Variants in CPNE5 observed in about 807,000 individuals in gnomAD.
CPNE5 encodes the protein copine-5.
CPNE5 carries 42 observed loss-of-function variants against 81.1 expected under a neutral mutation model. The observed-to-expected ratio is 0.52, with a 90% CI of 0.40 to 0.67. The LOEUF (loss-of-function observed/expected upper bound fraction) is 0.67. CPNE5 is among the 30% of genes least tolerant of loss of function. The pLI is 0.00. For missense variants in CPNE5, 612 were observed against 815.5 expected (o/e 0.75, Z 3.04); for synonymous variants, 313 against 321.5 (o/e 0.97, Z 0.28).
intron 10 of CPNE5, among the ~76,000 whole-genome samples, chr6:36,768,225 C>CTTTTTTTCTTTTTTTTCTTT (rs527797208): frequency 1.7e-5 from 1 of 60,496 alleles, no homozygotes; most frequent in East Asian, 5.8e-4. Context: ...ATTCACAGTT[C>CTTTTTTTCTTTTTTTTCTTT]TTTTTTTTTT....
intron 3 of CPNE5, among the ~76,000 whole-genome samples, chr6:36,820,051 G>A (rs991206845): frequency 1.3e-5 from 2 of 152,138 alleles, no homozygotes; most frequent in East Asian, 1.9e-4. Flanking sequence ...TTCCTCCCTC[G>A]ACCCCTGACC....
rs913713016 is a variant in CPNE5, at chr6:36,746,136, A to G, written c.1200+260T>C. On this transcript the variant is annotated intron_variant, in intron 16 of 20. Coordinates refer to ENST00000244751, the MANE Select transcript of CPNE5 (RefSeq NM_020939.2). This position sits in a 1 kb window ranked among gnomAD's most constrained non-coding sequence, Gnocchi z 4.5. ...GATGGGTCAGCCACAGCTCGCCTCCACCTGCACCTGCGTCTTGTCAGGAAC... is the reference window on the plus strand; with the variant it reads ...GATGGGTCAGCCACAGCTCGCCTCCGCCTGCACCTGCGTCTTGTCAGGAAC... 2.0e-5 allele frequency: 20 copies of G among 984,916 alleles called. No individual in the cohort carries two copies. The African/African-American group carries it at 3.5e-4, about 17-fold the overall frequency. The allele number at this position is 984,916 out of a possible 1,614,324, so 61.0% of individuals were successfully genotyped here. A position where few individuals can be genotyped will look rare whatever the true frequency, so the allele number is the denominator to read the frequency against.
intron 3 of CPNE5, among the ~76,000 whole-genome samples, chr6:36,812,435 G>T (rs1771185384): frequency 2.0e-5 from 3 of 152,174 alleles, no homozygotes; most frequent in African/African-American, 2.4e-5. Flanking sequence ...AATATTTACA[G>T]GTCCTGAGCA....
At chr6:36,826,135 CGT>C (rs972711899) in intron 1 of CPNE5, among the ~76,000 whole-genome samples, 1 of 152,072 alleles carries the variant, frequency 6.6e-6, no homozygotes, top group South Asian at 2.1e-4. Flanking sequence ...AGCCTAGATA[CGT>C]GTGTGTGTTT....
chr6:36,751,466 T>C (rs1232134901), intron 14 of CPNE5, among the ~76,000 whole-genome samples: 2 of 152,150 alleles, frequency 1.3e-5, no homozygotes, highest in Non-Finnish European at 2.9e-5. Context: ...CTGTGTTCTG[T>C]AAGTTGGGGG....
intron 12 of CPNE5, among the ~76,000 whole-genome samples, chr6:36,759,318 C>T (rs1000809281): frequency 1.3e-5 from 2 of 152,082 alleles, no homozygotes; most frequent in African/African-American, 2.4e-5. Context: ...AGCCCCGCCA[C>T]GGTGAATCCC....
chr6:36,811,795 A>T (rs1291171776), intron 3 of CPNE5, among the ~76,000 whole-genome samples: 1 of 151,642 alleles, frequency 6.6e-6, no homozygotes, highest in Non-Finnish European at 1.5e-5. Flanking sequence ...CCACCCTCAA[A>T]TCCTGGGGAT....
chr6:36,745,115 G>A lies in CPNE5; in HGVS notation c.1364C>T (p.Ser455Leu), dbSNP rs1461028588. ...AAAVQDGSQY[S>L]VLLIITDGVI... ...CCCATCAGTAATGATGAGCAGCACC[G>A]AGTACTGGGAGCCATCCTGCACGGC... is the stretch of plus-strand genomic sequence containing the variant. The change falls in exon 18 of 21, where the codon TCG (serine) becomes TTG (leucine). Residue 455 changes from serine to leucine, a missense_variant. Coordinates refer to ENST00000244751, the MANE Select transcript of CPNE5 (RefSeq NM_020939.2). The A allele has an allele frequency of 3.1e-6, 5 of 1,613,844 alleles. No homozygotes were observed. The highest frequency in any genetic ancestry group is 2.2e-5 in the East Asian group (1 of 44,898).
chr6:36,769,761 C>T (rs756416577), intron 10 of CPNE5, among the ~76,000 whole-genome samples: 5 of 152,196 alleles, frequency 3.3e-5, no homozygotes, highest in Non-Finnish European at 7.3e-5. Context: ...ATGTGAATAC[C>T]GAGAACGGTA....
chr6:36,771,628 C>T (rs1767044249), intron 10 of CPNE5, among the ~76,000 whole-genome samples: 1 of 152,184 alleles, frequency 6.6e-6, no homozygotes, highest in South Asian at 2.1e-4. Context: ...GCACCCAACA[C>T]AGTGCCTGGG....
At chr6:36,799,622 C>A (rs1769924801) in intron 4 of CPNE5, among the ~76,000 whole-genome samples, 1 of 152,194 alleles carries the variant, frequency 6.6e-6, no homozygotes, top group Non-Finnish European at 1.5e-5. Flanking sequence ...CAGTGGGTAC[C>A]TCCTGGTTGC....
intron 9 of CPNE5, 81 bp from the exon 10 acceptor site, chr6:36,775,146 G>A (rs1767391208): frequency 1.0e-6 from 1 of 1,003,920 alleles, no homozygotes; most frequent in Admixed American, 1.9e-5. Flanking sequence ...GAGTCAGCTG[G>A]TTCACATCTC....
intron 6 of CPNE5, among the ~76,000 whole-genome samples, chr6:36,797,818 C>T (rs1227055660): frequency 2.0e-5 from 3 of 152,194 alleles, no homozygotes; most frequent in African/African-American, 7.2e-5. Flanking sequence ...CCAGCTCTCC[C>T]TCTTCCTAGC....
At position 36,778,890 on chromosome 6, in the gene CPNE5, G is replaced by A. The variant is rs1329142279; in HGVS notation, c.596C>T (p.Pro199Leu). The A allele has an allele frequency of 6.2e-7, 1 of 1,606,836 alleles. No homozygotes were observed. The highest frequency in any genetic ancestry group is 8.5e-7 in the Non-Finnish European group (1 of 1,173,838). The change falls in exon 9 of 21, where the codon CCC becomes CTC. Residue 199 changes from proline to leucine, a missense_variant. Transcript: ENST00000244751. Reference sequence around the variant, plus strand: ...GTTGCTTCTGTAGAATACCAAGAAGGGGTCAGATTTCCCAAAGAAATCTTT... The same window carrying A: ...GTTGCTTCTGTAGAATACCAAGAAGAGGTCAGATTTCCCAAAGAAATCTTT... The part of the protein sequence containing the change: ...DKKDFFGKSD[P>L]FLVFYRSNED...
chr6:36,781,048 G>A (rs376503369), intron 8 of CPNE5, among the ~76,000 whole-genome samples: 4 of 152,160 alleles, frequency 2.6e-5, no homozygotes, highest in African/African-American at 7.2e-5. Flanking sequence ...CTTTAGAATC[G>A]GCTGATTTCT....
At chr6:36,814,521 A>G (rs557307217) in intron 3 of CPNE5, among the ~76,000 whole-genome samples, 1 of 152,324 alleles carries the variant, frequency 6.6e-6, no homozygotes, top group Admixed American at 6.5e-5. Context: ...CAAACTCAGT[A>G]CGAATTAAGT....
Position 36,823,117 on chromosome 6 carries a change from G to C in CPNE5, c.96-19C>G. 6.4e-7 allele frequency: 1 copy of C among 1,552,984 alleles called. No homozygotes were observed. On this transcript the variant is annotated intron_variant, in intron 1 of 20. Coordinates refer to ENST00000244751, the MANE Select transcript of CPNE5 (RefSeq NM_020939.2). ...GAGGTTCCTGAAAGAGGGGGAGAGA[G>C]GAGGGGTTAGCACGGCCAGCTGAGA...
chr6:36,819,260 C>T (rs879277496), intron 3 of CPNE5, among the ~76,000 whole-genome samples: 1 of 152,162 alleles, frequency 6.6e-6, no homozygotes, highest in Admixed American at 6.5e-5. Context: ...GGGCCACACC[C>T]AGCTAATTTT....
In CPNE5 at chr6:36,741,297, A is replaced by T. The variant is rs1321437927; in HGVS notation, c.*971T>A. On this transcript the variant is annotated 3_prime_UTR_variant, in exon 21 of 21. Transcript: ENST00000244751. ...TGGTCAACCCTCTTGTGGTACAGAC[A>T]TGGAAACTGAGGCCCAAAAGGTAGA... The T allele has an allele frequency of 6.6e-6, 1 of 152,252 alleles. No homozygotes were observed. Among genetic ancestry groups the T allele is most frequent in the African/African-American group, 2.4e-5 (1 of 41,456 alleles). 9.4% of individuals were successfully genotyped at this position (152,252 alleles called of 1,614,324 possible). A position where few individuals can be genotyped will look rare whatever the true frequency, so the allele number is the denominator to read the frequency against.
Sources: allele counts gnomAD v4.1 joint callset (sites outside exome capture counted in the v4.1 genomes callset), GRCh38; gene constraint gnomAD v4.1.1; non-coding constraint Gnocchi (gnomAD v3.1); transcripts MANE v1.5; gene names NCBI Gene and HGNC (gene_info 2026-07-23, HGNC 2026-07-21).